TRERF1: variants seen among roughly 807,000 people sequenced by gnomAD.
The protein encoded by TRERF1 is transcriptional regulating factor 1, also known as transcriptional-regulating factor 1.
In TRERF1, 27 loss-of-function variants were observed where a neutral mutation model predicts 122.9. That is an observed-to-expected ratio of 0.22 (90% CI 0.16 to 0.30). The LOEUF is 0.30. TRERF1 is among the 10% of genes least tolerant of loss of function. The pLI, the probability that TRERF1 is intolerant of heterozygous loss-of-function variation, is 1.00. For synonymous variants in TRERF1, 636 were observed against 641.7 expected, an observed-to-expected ratio of 0.99 and a Z score of 0.13; for missense variants, 1,248 against 1,560.3, an observed-to-expected ratio of 0.80 and a Z score of 3.37.
At position 42,269,878 on chromosome 6, in the gene TRERF1, G is replaced by T; in HGVS notation, c.-258-30C>A. 1 of 499,106 alleles carries T rather than the reference G, an allele frequency of 2.0e-6. No individual in the cohort carries two copies. Among genetic ancestry groups the T allele is most frequent in the Non-Finnish European group, 3.2e-6 (1 of 314,660 alleles). The allele number at this position is 499,106 out of a possible 1,614,324, so 30.9% of individuals were successfully genotyped here. ...AAGGCAAGATGCAAAAGACAGGAAA[G>T]GATTTATTTGGATGTTTTGTGATGA... On this transcript the variant is annotated intron_variant, in intron 4 of 17. Transcript: ENST00000372922. The surrounding 1 kb of genome is among the most constrained non-coding windows in gnomAD (Gnocchi z 4.9).
chr6:42,426,936 C>G (rs1460231282), intron 2 of TRERF1, among the ~76,000 whole-genome samples: 1 of 151,980 alleles, frequency 6.6e-6, no homozygotes, highest in Non-Finnish European at 1.5e-5. Context: ...ACATTTAAAA[C>G]CTTATATCAA....
chr6:42,324,444 A>G lies in TRERF1; in HGVS notation c.-370-23695T>C, dbSNP rs146824811. Among the ~76,000 whole-genome samples the G allele has an allele frequency of 9.8e-5, 15 of 152,356 alleles. No homozygotes were observed. The East Asian group carries it at 2.9e-3, about 29-fold the overall frequency. On this transcript the variant is annotated intron_variant, in intron 3 of 17. Transcript: ENST00000372922. Reference sequence around the variant, plus strand: ...GAACCAAAATAAGCCCAAATAGCCAAAGCAATCCTAAGCAAAAAGAACAAA... The same window carrying G: ...GAACCAAAATAAGCCCAAATAGCCAGAGCAATCCTAAGCAAAAAGAACAAA...
At chr6:42,437,761 G>T (rs988133862) in intron 2 of TRERF1, among the ~76,000 whole-genome samples, 1 of 152,146 alleles carries the variant, frequency 6.6e-6, no homozygotes, top group African/African-American at 2.4e-5. Context: ...ATACGACCTT[G>T]AACGAGCTTC....
intron 3 of TRERF1, among the ~76,000 whole-genome samples, chr6:42,337,962 G>T (rs1766513007): frequency 6.6e-6 from 1 of 152,198 alleles, no homozygotes; most frequent in Non-Finnish European, 1.5e-5. Flanking sequence ...GCACCTAGGT[G>T]CATGTTAGGG....
chr6:42,436,150 C>T (rs900556299), intron 2 of TRERF1, among the ~76,000 whole-genome samples: 2 of 151,930 alleles, frequency 1.3e-5, no homozygotes, highest in Non-Finnish European at 1.5e-5. Context: ...AGGTGGATCA[C>T]GAGGTCAGGA....
intron 2 of TRERF1, among the ~76,000 whole-genome samples, chr6:42,445,353 GACACACACACACAC>G (rs57862861): frequency 2.3e-5 from 2 of 86,722 alleles, no homozygotes; most frequent in South Asian, 7.0e-4. Context: ...TACACACACA[GACACACACACACAC>G]ACACACACAC....
At chr6:42,382,346 A>G (rs888566118) in intron 2 of TRERF1, among the ~76,000 whole-genome samples, 2 of 151,426 alleles carry the variant, frequency 1.3e-5, no homozygotes, top group African/African-American at 4.9e-5. Context: ...AAAACATTTT[A>G]TCTCCCGTGT....
chr6:42,282,658 A>G (rs561218572), intron 4 of TRERF1, among the ~76,000 whole-genome samples: 1 of 152,376 alleles, frequency 6.6e-6, no homozygotes, highest in Middle Eastern at 3.4e-3. Context: ...AGTGAAAAAG[A>G]AAGATGCAGA....
chr6:42,308,017 G>A (rs1299286385), intron 3 of TRERF1, among the ~76,000 whole-genome samples: 1 of 152,220 alleles, frequency 6.6e-6, no homozygotes, highest in African/African-American at 2.4e-5. Flanking sequence ...TTCCCAGTAG[G>A]GATGGAAAAT....
intron 3 of TRERF1, among the ~76,000 whole-genome samples, chr6:42,340,350 G>C (rs1010931608): frequency 7.2e-5 from 11 of 152,086 alleles, no homozygotes; most frequent in African/African-American, 2.7e-4. Context: ...GAGGGATGAG[G>C]GTTCACCAGG....
intron 2 of TRERF1, among the ~76,000 whole-genome samples, chr6:42,430,082 T>A (rs1784258285): frequency 2.0e-5 from 3 of 149,290 alleles, no homozygotes; most frequent in African/African-American, 7.4e-5. Context: ...AGAGGAGGAA[T>A]GAGGAGGAGA....
chr6:42,317,599 C>T lies in TRERF1; in HGVS notation c.-370-16850G>A, dbSNP rs139357525. On this transcript the variant is annotated intron_variant, in intron 3 of 17. Transcript: ENST00000372922. ...TGAACTCCTGGGCTCAAGCAAGCCT[C>T]CCGCCTTGGCCTCCTAAAGTGCTGG... Among the ~76,000 whole-genome samples, 719 of 152,198 alleles carry T rather than the reference C, an allele frequency of 4.7e-3. 3 individuals are homozygous for T. Among genetic ancestry groups the T allele is most frequent in the Admixed American group, 0.01 (158 of 15,294 alleles).
intron 2 of TRERF1, among the ~76,000 whole-genome samples, chr6:42,395,688 C>T (rs1181952748): frequency 6.6e-6 from 1 of 151,894 alleles, no homozygotes; most frequent in Non-Finnish European, 1.5e-5. Context: ...ATTTTTCTTC[C>T]AACAACCTAG....
rs1459881093 is a variant in TRERF1, at chr6:42,263,497, T to TGGCGGCGGAGGC, written c.1695_1706dup (p.Pro567_Pro570dup). ...TTTCTGCCTCGGGAGGGAGCTGTGG[T>TGGCGGCGGAGGC]GGCGGCGGAGGCGGAGGCGGAGGCG... On this transcript the variant is annotated inframe_insertion, in exon 8 of 18. Coordinates refer to ENST00000372922, the Ensembl canonical transcript of TRERF1. This position sits in a 1 kb window ranked among gnomAD's most constrained non-coding sequence, Gnocchi z 5.6. The TGGCGGCGGAGGC allele has an allele frequency of 7.0e-6, 11 of 1,578,940 alleles. No homozygotes were observed. Among genetic ancestry groups the TGGCGGCGGAGGC allele is most frequent in the Middle Eastern group, 1.7e-4 (1 of 5,958 alleles).
At chr6:42,372,832 C>T (rs1167792454) in intron 2 of TRERF1, among the ~76,000 whole-genome samples, 1 of 152,196 alleles carries the variant, frequency 6.6e-6, no homozygotes, top group African/African-American at 2.4e-5. Context: ...ACACACGTGG[C>T]ACTGACCACA....
At chr6:42,241,657 T>C (rs988516929) in intron 15 of TRERF1, among the ~76,000 whole-genome samples, 3 of 152,142 alleles carry the variant, frequency 2.0e-5, no homozygotes, top group Non-Finnish European at 4.4e-5. Flanking sequence ...GAAATGGGTT[T>C]CACCATGTTA....
At chr6:42,265,579 T>C (rs960350670) in intron 6 of TRERF1, among the ~76,000 whole-genome samples, 172 bp downstream of exon 6, 1 of 152,224 alleles carries the variant, frequency 6.6e-6, no homozygotes, top group Non-Finnish European at 1.5e-5. Context: ...TACTTTACTA[T>C]ACATAATGCC....
intron 2 of TRERF1, among the ~76,000 whole-genome samples, chr6:42,367,467 C>T (rs555169500): frequency 9.9e-5 from 15 of 152,180 alleles, no homozygotes; most frequent in South Asian, 2.1e-4. Context: ...TTAGAAAACA[C>T]GCATGCACAA....
intron 11 of TRERF1, 36 bp from the exon 12 acceptor site, chr6:42,256,867 G>A (rs987306794): frequency 1.2e-6 from 2 of 1,613,076 alleles, no homozygotes; most frequent in African/African-American, 2.7e-5. Context: ...GCATCAGAGA[G>A]AGCTGAGTGT....
Sources: gnomAD v4.1 joint callset for allele counts (sites outside exome capture counted in the v4.1 genomes callset) on GRCh38, gnomAD v4.1.1 for gene constraint, Gnocchi (gnomAD v3.1) non-coding constraint, MANE v1.5 for transcripts, NCBI Gene and HGNC (gene_info 2026-07-23, HGNC 2026-07-21) for gene names.